Variants in WDR41 observed in about 807,000 individuals in gnomAD.
WDR41 encodes WD repeat-containing protein 41.
In WDR41, 63 loss-of-function variants were observed where a neutral mutation model predicts 69.3. That is an observed-to-expected ratio of 0.91 (90% confidence interval 0.74 to 1.12). The LOEUF (loss-of-function observed/expected upper bound fraction) is 1.12. WDR41 is among the 50% of genes most tolerant of loss of function. The pLI, the probability that WDR41 is intolerant of heterozygous loss-of-function variation, is 0.00. For missense variants in WDR41, 543 were observed against 534.5 expected, an observed-to-expected ratio of 1.02 and a Z score of -0.16; for synonymous variants, 185 against 192.1, an observed-to-expected ratio of 0.96 and a Z score of 0.31.
intron 12 of WDR41, 106 bp from the exon 13 acceptor site, chr5:77,433,393 T>G (rs1293732086): frequency 5.5e-6 from 5 of 903,260 alleles, no homozygotes; most frequent in Non-Finnish European, 8.0e-6. Flanking sequence ...AAGACTCCTT[T>G]GGATCTGGGT....
intron 1 of WDR41, among the ~76,000 whole-genome samples, chr5:77,558,059 G>T (rs920198858): frequency 1.3e-5 from 1 of 74,852 alleles, no homozygotes; most frequent in Non-Finnish European, 2.8e-5. Flanking sequence ...AGGGAGGGAA[G>T]AAATGAACAC....
At chr5:77,581,288 G>T (rs1743934987) in intron 1 of WDR41, among the ~76,000 whole-genome samples, 1 of 152,080 alleles carries the variant, frequency 6.6e-6, no homozygotes, top group Non-Finnish European at 1.5e-5. Flanking sequence ...ATGATAAAAG[G>T]TCAATCTACC....
intron 1 of WDR41, chr5:77,499,353 A>G (rs1801983684): frequency 6.6e-6 from 1 of 152,254 alleles, no homozygotes; most frequent in African/African-American, 2.4e-5. Flanking sequence ...AAACTGCAGG[A>G]AGAGGAACTC....
rs376864741 is a variant in WDR41 at position 77,441,521 on chromosome 5, C to T, written c.698-524G>A. Among the ~76,000 whole-genome samples, 4 of 151,986 alleles carry T rather than the reference C, an allele frequency of 2.6e-5. No individual in the cohort carries two copies. The East Asian group carries it at 7.7e-4, about 29-fold the overall frequency. On this transcript the variant is annotated intron_variant, in intron 8 of 12. Coordinates refer to ENST00000296679, the MANE Select transcript of WDR41 (RefSeq NM_018268.4). ...TGGGAAGCCGAGGCAGGTGGATCAC[C>T]TGAGGTCAGGAGTTCGAGACCAGCC...
chr5:77,591,964 A>T (rs572594251), intron 1 of WDR41, among the ~76,000 whole-genome samples: 2 of 152,236 alleles, frequency 1.3e-5, no homozygotes, highest in South Asian at 4.1e-4. Flanking sequence ...GGTGACTGTG[A>T]AGTATACTAA....
At chr5:77,499,642 AG>A (rs1169771336) in intron 1 of WDR41, 1 of 152,226 alleles carries the variant, frequency 6.6e-6, no homozygotes, top group African/African-American at 2.4e-5. Context: ...CAATTACGAA[AG>A]GGGGTGGTTT....
At chr5:77,596,141 C>A (rs1223249775) in intron 1 of WDR41, among the ~76,000 whole-genome samples, 3 of 152,094 alleles carry the variant, frequency 2.0e-5, no homozygotes, top group Non-Finnish European at 4.4e-5. Context: ...ACATTTAATC[C>A]TGATCTAAAA....
chr5:77,587,142 C>T (rs1053629197), intron 1 of WDR41, among the ~76,000 whole-genome samples: 5 of 150,926 alleles, frequency 3.3e-5, no homozygotes, highest in Non-Finnish European at 5.9e-5. Context: ...CCAAACGTAA[C>T]CCTATTCTAA....
chr5:77,612,817 T>A (rs1340032607), intron 1 of WDR41, among the ~76,000 whole-genome samples: 23 of 149,942 alleles, frequency 1.5e-4, no homozygotes, highest in Admixed American at 6.6e-5. Flanking sequence ...GAGAAGGAAA[T>A]AAAGGGTATT....
intron 1 of WDR41, among the ~76,000 whole-genome samples, chr5:77,516,993 G>A (rs551946814): frequency 9.3e-5 from 14 of 150,458 alleles, no homozygotes; most frequent in Non-Finnish European, 1.5e-4. Flanking sequence ...TCCAGCCTGG[G>A]TGACAGAGCG....
In WDR41 at chr5:77,466,228, C is replaced by T. The variant is rs180716658; in HGVS notation, c.168-1419G>A. On this transcript the variant is annotated intron_variant, in intron 2 of 12. Coordinates refer to ENST00000296679, the MANE Select transcript of WDR41 (RefSeq NM_018268.4). ...TTTAAAATGTAACATATAAAAGATC[C>T]GGAGATTAAAAAGAAAATGATCATT... Among the ~76,000 whole-genome samples the T allele has an allele frequency of 1.9e-3, 290 of 151,572 alleles. 2 individuals are homozygous for T. The highest frequency in any genetic ancestry group is 6.6e-3 in the African/African-American group (272 of 41,404).
chr5:77,600,879 CA>C (rs1290406344), intron 1 of WDR41, among the ~76,000 whole-genome samples: 29 of 139,626 alleles, frequency 2.1e-4, no homozygotes, highest in East Asian at 4.1e-4. Flanking sequence ...GACAATGTCT[CA>C]AAAAAAAAAA....
chr5:77,522,239 G>T (rs1802381595), intron 1 of WDR41, among the ~76,000 whole-genome samples: 1 of 152,214 alleles, frequency 6.6e-6, no homozygotes, highest in Non-Finnish European at 1.5e-5. Context: ...CTATGGAGTT[G>T]AGGAAAACAA....
At chr5:77,442,909 A>AAAAAAAAAAAAAAAAAAG (rs1294619182) in intron 8 of WDR41, among the ~76,000 whole-genome samples, 2 of 148,626 alleles carry the variant, frequency 1.3e-5, no homozygotes, top group Non-Finnish European at 3.0e-5. Flanking sequence ...AAAAAAAAAA[A>AAAAAAAAAAAAAAAAAAG]AAAAGGATTT....
At chr5:77,576,691 T>C (rs568129609) in intron 1 of WDR41, among the ~76,000 whole-genome samples, 19 of 152,044 alleles carry the variant, frequency 1.2e-4, no homozygotes, top group African/African-American at 4.6e-4. Flanking sequence ...TTTCCTCACA[T>C]TTCACACTCT....
chr5:77,532,078 T>C lies in WDR41; in HGVS notation c.43-42506A>G, dbSNP rs138135429. ...ATGACTACTTGTGAATGTCACTTTA[T>C]TGTTCACTTTAAAATGATTACTTTT... On this transcript the variant is annotated intron_variant, in intron 1 of 5. Coordinates refer to the WDR41 transcript ENST00000509971. Among the ~76,000 whole-genome samples the C allele has an allele frequency of 2.2e-3, 340 of 152,180 alleles. 1 individual carries two copies. The highest frequency in any genetic ancestry group is 3.4e-3 in the Middle Eastern group (1 of 294).
intron 11 of WDR41, 33 bp downstream of exon 11, chr5:77,437,303 A>C (rs1405737296): frequency 1.9e-6 from 3 of 1,585,808 alleles, no homozygotes; most frequent in East Asian, 2.2e-5. Context: ...AAAAGGAGAG[A>C]AAAAGACTAC....
chr5:77,615,812 G>A (rs1018885133), intron 1 of WDR41, among the ~76,000 whole-genome samples: 103 of 151,244 alleles, frequency 6.8e-4, no homozygotes, highest in African/African-American at 2.4e-3. Context: ...GGCCAACATA[G>A]TGAAACCCTG....
chr5:77,454,499 A>ATACACAATTG (rs1799751527), intron 5 of WDR41, among the ~76,000 whole-genome samples: 1 of 152,012 alleles, frequency 6.6e-6, no homozygotes, highest in African/African-American at 2.4e-5. Context: ...AATTGCTTAA[A>ATACACAATTG]CCCCTTTTTA....
Sources: gnomAD v4.1 joint callset for allele counts (sites outside exome capture counted in the v4.1 genomes callset) on GRCh38, gnomAD v4.1.1 for gene constraint, MANE v1.5 for transcripts, NCBI Gene and HGNC (gene_info 2026-07-23, HGNC 2026-07-21) for gene names.